CEP128: variants seen among roughly 807,000 people sequenced by gnomAD.
CEP128 encodes the protein centrosomal protein 128kDa.
Under a neutral mutation model 156.7 loss-of-function variants are expected in CEP128, and 132 were observed. The ratio of observed to expected loss-of-function variants is 0.84; its 90% CI spans 0.73 to 0.97. The LOEUF (loss-of-function observed/expected upper bound fraction) is 0.97. Among genes scored for constraint, CEP128 ranks in the 50% least tolerant of loss-of-function variants. The pLI is 0.00. For synonymous variants in CEP128, 469 were observed against 448.9 expected, an observed-to-expected ratio of 1.04 and a Z score of -0.57; for missense variants, 1,252 against 1,281.9, an observed-to-expected ratio of 0.98 and a Z score of 0.36.
intron 19 of CEP128, among the ~76,000 whole-genome samples, chr14:80,670,899 G>C (rs984439176): frequency 2.0e-5 from 3 of 152,192 alleles, no homozygotes; most frequent in African/African-American, 7.2e-5. Flanking sequence ...TTTTTTATCA[G>C]TGAGAGAGAT....
At chr14:80,498,995 C>G (rs1420951933) in intron 24 of CEP128, among the ~76,000 whole-genome samples, 1 of 152,172 alleles carries the variant, frequency 6.6e-6, no homozygotes, top group East Asian at 1.9e-4. Context: ...CGGCGTTTAA[C>G]CGATCAGTAA....
intron 13 of CEP128, among the ~76,000 whole-genome samples, chr14:80,796,912 T>A (rs983607875): frequency 6.6e-6 from 1 of 152,186 alleles, no homozygotes; most frequent in African/African-American, 2.4e-5. Flanking sequence ...GCAGTCCTAC[T>A]AAAATGGCAG....
intron 21 of CEP128, among the ~76,000 whole-genome samples, chr14:80,552,701 T>A (rs1392787627): frequency 6.6e-6 from 1 of 152,214 alleles, no homozygotes; most frequent in Non-Finnish European, 1.5e-5. Context: ...TCTTTTTCAA[T>A]AGAGATGCTT....
intron 23 of CEP128, chr14:80,526,608 A>G (rs2140263643): frequency 3.8e-6 from 1 of 265,322 alleles, no homozygotes; most frequent in South Asian, 8.7e-5. Flanking sequence ...GCTCTTAAGC[A>G]GCACCAGTTC....
chr14:80,888,837 A>G (rs1888937459), intron 8 of CEP128, among the ~76,000 whole-genome samples: 1 of 152,186 alleles, frequency 6.6e-6, no homozygotes, highest in Non-Finnish European at 1.5e-5. Flanking sequence ...AGGAAGTCAA[A>G]TTGTCTCCGT....
At chr14:80,661,040 A>G (rs1895379801) in intron 19 of CEP128, among the ~76,000 whole-genome samples, 1 of 152,186 alleles carries the variant, frequency 6.6e-6, no homozygotes, top group Admixed American at 6.5e-5. Flanking sequence ...AAAAGCCAAT[A>G]CAGTGCTACA....
chr14:80,897,354 G>T (rs1889392061), intron 7 of CEP128, among the ~76,000 whole-genome samples: 1 of 151,978 alleles, frequency 6.6e-6, no homozygotes, highest in African/African-American at 2.4e-5. Flanking sequence ...TTCTCTCTTG[G>T]TATTACCCAT....
At chr14:80,563,140 C>T (rs1459899897) in intron 20 of CEP128, among the ~76,000 whole-genome samples, 1 of 152,056 alleles carries the variant, frequency 6.6e-6, no homozygotes, top group Non-Finnish European at 1.5e-5. Context: ...TTCATTTAAA[C>T]AGATTTAAGT....
chr14:80,515,178 A>G (rs1046740456), intron 23 of CEP128, among the ~76,000 whole-genome samples: 1 of 152,222 alleles, frequency 6.6e-6, no homozygotes, highest in Non-Finnish European at 1.5e-5. Flanking sequence ...TATTGGGTCC[A>G]TGATGACTAA....
Position 80,862,882 on chromosome 14 carries a change from G to A in CEP128, c.646-9C>T, listed in dbSNP as rs746016172. The A allele has an allele frequency of 6.3e-7, 1 of 1,598,196 alleles. No homozygotes were observed. The highest frequency in any genetic ancestry group is 8.6e-7 in the Non-Finnish European group (1 of 1,165,718). On this transcript the variant is annotated splice_polypyrimidine_tract_variant and intron_variant, in intron 8 of 24. Transcript: ENST00000555265. The stretch of plus-strand genomic sequence containing the variant: ...TCCACCCGATCTGAAACCTTAATAA[G>A]AATTCAGAGAAACAGCAGCATTATA...
In CEP128 at chr14:80,869,451, G is replaced by A. The variant is rs574659515; in HGVS notation, c.646-6578C>T. 2.6e-5 allele frequency among the ~76,000 whole-genome samples: 4 copies of A among 152,050 alleles called. No individual in the cohort carries two copies. The South Asian group carries it at 6.2e-4, about 24-fold the overall frequency. The stretch of plus-strand genomic sequence containing the variant: ...ACCAAAACTTATGGGATGCAAAAAA[G>A]CAGTTCTAAGAGGGAGTTTTATGGC... On this transcript the variant is annotated intron_variant, in intron 8 of 24. Coordinates refer to ENST00000555265, the MANE Select transcript of CEP128 (RefSeq NM_152446.5).
intron 16 of CEP128, among the ~76,000 whole-genome samples, chr14:80,775,047 T>C (rs931109117): frequency 6.6e-6 from 1 of 152,182 alleles, no homozygotes; most frequent in African/African-American, 2.4e-5. Flanking sequence ...GTTGAACCAG[T>C]AGTCAGCATA....
intron 19 of CEP128, among the ~76,000 whole-genome samples, chr14:80,677,155 C>T (rs1179724348): frequency 6.6e-6 from 1 of 152,126 alleles, no homozygotes. Flanking sequence ...GAGGGGAGTA[C>T]ATGCACGTTT....
intron 13 of CEP128, among the ~76,000 whole-genome samples, chr14:80,826,108 A>G (rs1278391432): frequency 6.7e-6 from 1 of 150,188 alleles, no homozygotes; most frequent in Non-Finnish European, 1.5e-5. Flanking sequence ...TCTGTCTCAA[A>G]AAAAAAAAAA....
chr14:80,646,845 C>T (rs1894653902), intron 19 of CEP128, among the ~76,000 whole-genome samples: 1 of 150,738 alleles, frequency 6.6e-6, no homozygotes, highest in African/African-American at 2.4e-5. Flanking sequence ...TCTACTATGG[C>T]CAATTATGTT....
chr14:80,790,330 T>C (rs1308358529), intron 14 of CEP128, among the ~76,000 whole-genome samples: 1 of 152,166 alleles, frequency 6.6e-6, no homozygotes, highest in Non-Finnish European at 1.5e-5. Flanking sequence ...GCATATACTA[T>C]GATTGGAGTC....
At chr14:80,948,366 CACTT>C (rs568017522) in intron 2 of CEP128, among the ~76,000 whole-genome samples, 52 of 152,314 alleles carry the variant, frequency 3.4e-4, no homozygotes, top group African/African-American at 1.2e-3. Flanking sequence ...TTCAGCCACA[CACTT>C]ACTAATTATA....
At chr14:80,887,689 A>G (rs1888876902) in intron 8 of CEP128, among the ~76,000 whole-genome samples, 1 of 152,174 alleles carries the variant, frequency 6.6e-6, no homozygotes, top group Admixed American at 6.5e-5. Flanking sequence ...AAGACCTAAA[A>G]TCGATACCCT....
chr14:80,928,923 A>G (rs1885292651), intron 2 of CEP128, among the ~76,000 whole-genome samples: 1 of 152,186 alleles, frequency 6.6e-6, no homozygotes, highest in South Asian at 2.1e-4. Context: ...AAAAGAAATA[A>G]TCATCAGAGC....
Sources: gnomAD v4.1 joint callset for allele counts (sites outside exome capture counted in the v4.1 genomes callset) on GRCh38, gnomAD v4.1.1 for gene constraint, MANE v1.5 for transcripts, NCBI Gene and HGNC (gene_info 2026-07-23, HGNC 2026-07-21) for gene names.